CCAR2: variants seen among roughly 807,000 people sequenced by gnomAD.
CCAR2 encodes the protein cell cycle and apoptosis regulator protein 2.
CCAR2 carries 21 observed loss-of-function variants against 108.1 expected under a neutral mutation model. That is an observed-to-expected ratio of 0.19 (90% confidence interval 0.14 to 0.28). CCAR2 has a LOEUF of 0.28. Among genes scored for constraint, CCAR2 ranks in the 10% least tolerant of loss-of-function variants. CCAR2 has a pLI of 1.00. For missense variants in CCAR2, 1,126 were observed against 1,177.0 expected (o/e 0.96, Z 0.63); for synonymous variants, 577 against 472.8 (o/e 1.22, Z -2.86).
intron 7 of CCAR2, 47 bp downstream of exon 7, chr8:22,608,112 T>G: frequency 1.4e-6 from 2 of 1,384,324 alleles, no homozygotes; most frequent in Non-Finnish European, 1.0e-6. Flanking sequence ...GACACTAACA[T>G]TCTCTTTATT....
chr8:22,604,997 C>T (rs1801009493), intron 1 of CCAR2, 155 bp downstream of exon 1: 2 of 315,832 alleles, frequency 6.3e-6, no homozygotes, highest in South Asian at 2.3e-5. Context: ...CTGGCAACGG[C>T]CTCGGCCTTG....
Position 22,615,752 on chromosome 8 carries a change from A to C in CCAR2, c.1448A>C (p.Glu483Ala). The change falls in exon 13 of 21, where the codon GAA (glutamate) becomes GCA (alanine). Residue 483 changes from glutamate (E) to alanine (A), a missense_variant. Transcript: ENST00000308511. ...QAADTSRRNA[E>A]TPEATTQQET... ...GCAGACACTTCTAGACGGAACGCAG[A>C]AACTCCAGAGGCCACCACACAGCAG... 1 of 1,613,894 alleles carries C rather than the reference A, an allele frequency of 6.2e-7. No individual in the cohort carries two copies. Among genetic ancestry groups the C allele is most frequent in the South Asian group, 1.1e-5 (1 of 91,084 alleles).
At position 22,619,228 on chromosome 8, in the gene CCAR2, G is replaced by A. The variant is rs137969523; in HGVS notation, c.2600G>A (p.Arg867Gln). ...LAAEMQELRVRLAEAEETART... is the reference protein window; with the variant it reads ...LAAEMQELRVQLAEAEETART... The stretch of plus-strand genomic sequence containing the variant: ...GCAGAGATGCAGGAGCTGCGAGTCC[G>A]GCTGGCGGAGGCCGAGGAGACCGCC... The change falls in exon 20 of 21, where the codon CGG becomes CAG. Residue 867 changes from arginine to glutamine, a missense_variant. Physicochemically the swap from Arg to Gln is conservative, Grantham distance 43 (BLOSUM62 1). Around this residue, in one of 4 missense-constraint regions of CCAR2, gnomAD observed 1,013 missense variants for 993.9 expected, o/e 1.02. Transcript: ENST00000308511. The A allele has an allele frequency of 1.8e-5, 29 of 1,573,506 alleles. No homozygotes were observed. The highest frequency in any genetic ancestry group is 8.1e-5 in the African/African-American group (6 of 74,298).
Position 22,614,986 on chromosome 8 carries a change from G to A in CCAR2, c.1190G>A (p.Ser397Asn). 6.3e-7 allele frequency: 1 copy of A among 1,584,834 alleles called. No homozygotes were observed. Among genetic ancestry groups the A allele is most frequent in the South Asian group, 1.1e-5 (1 of 88,078 alleles). ...CAGGCCCAGACTGGCATTGATTTGAGCGGCTGTACCAAGTGGTGAGTGGGC... is the reference window on the plus strand; with the variant it reads ...CAGGCCCAGACTGGCATTGATTTGAACGGCTGTACCAAGTGGTGAGTGGGC... ...CAQAQTGIDL[S>N]GCTKWWRFAE... Residue 397 changes from serine (S) to asparagine (N), a missense_variant, in exon 11 of 21, where the codon AGC (serine) becomes AAC (asparagine). Ser to Asn is a conservative substitution (Grantham distance 46). This residue lies in a region of CCAR2 where 1,013 missense variants were observed against 993.9 expected (regional missense o/e 1.02). Coordinates refer to ENST00000308511, the MANE Select transcript of CCAR2 (RefSeq NM_001393997.1).
At chr8:22,618,532 G>A in intron 17 of CCAR2, 37 bp downstream of exon 17, 2 of 1,614,120 alleles carry the variant, frequency 1.2e-6, no homozygotes, top group Admixed American at 1.7e-5. Context: ...ATGGGCACAG[G>A]CCTGCACTTA....
At position 22,608,042 on chromosome 8, in the gene CCAR2, T is replaced by C. The variant is rs746335665; in HGVS notation, c.561T>C (p.His187=). The change falls in exon 7 of 21, where the codon CAT becomes CAC. Residue 187 remains histidine, a synonymous_variant. Transcript: ENST00000308511. Reference sequence around the variant, plus strand: ...ACAGATTTCCTGCCCGGGGCCCTCATGGACGGTTGGATCAGGGCCGAAGGT... The same window carrying C: ...ACAGATTTCCTGCCCGGGGCCCTCACGGACGGTTGGATCAGGGCCGAAGGT... ...HLNRFPARGP[H]GRLDQGRSDD... is the part of the protein sequence containing the mutation. 1.5e-5 allele frequency: 24 copies of C among 1,613,822 alleles called. No homozygotes were observed. The highest frequency in any genetic ancestry group is 2.2e-5 in the East Asian group (1 of 44,896).
chr8:22,606,841 T>C (rs1007528764), intron 4 of CCAR2, 69 bp from the exon 5 acceptor site: 4 of 1,538,686 alleles, frequency 2.6e-6, no homozygotes, highest in African/African-American at 2.7e-5. Flanking sequence ...AAAGGCCTCA[T>C]AGGGGCAGTC....
At chr8:22,618,183 TG>T in intron 16 of CCAR2, 165 bp from the exon 17 acceptor site, 1 of 849,992 alleles carries the variant, frequency 1.2e-6, no homozygotes, top group Non-Finnish European at 1.9e-6. Flanking sequence ...CTCGAACTCC[TG>T]GGTTCAAGTG....
intron 3 of CCAR2, 47 bp downstream of exon 3, chr8:22,606,223 T>C: frequency 1.5e-6 from 2 of 1,367,594 alleles, no homozygotes; most frequent in Non-Finnish European, 2.1e-6. Flanking sequence ...TGGGACTGAA[T>C]GCATGGAGGC....
chr8:22,612,163 T>G (rs1801311381), intron 7 of CCAR2, among the ~76,000 whole-genome samples: 1 of 152,232 alleles, frequency 6.6e-6, no homozygotes. Context: ...GCCAGGCTGG[T>G]CTTGAACTCC....
rs1275937207 is a variant in CCAR2 at position 22,619,766 on chromosome 8, A to G, written c.*84A>G. On this transcript the variant is annotated 3_prime_UTR_variant, in exon 21 of 21. Transcript: ENST00000308511. ...GCCCTTGCGGTACCAGAAAGCAGCG[A>G]GAGCGAGACCTGGGAGCCAGGGCAG... 2.7e-6 allele frequency: 4 copies of G among 1,455,710 alleles called. No homozygotes were observed. Among genetic ancestry groups the G allele is most frequent in the African/African-American group, 2.8e-5 (2 of 71,330 alleles). The allele number at this position is 1,455,710 out of a possible 1,614,324, so 90.2% of individuals were successfully genotyped here.
rs1215953367 is a variant in CCAR2 at position 22,615,725 on chromosome 8, C to G, written c.1421C>G (p.Ala474Gly). The G allele has an allele frequency of 1.9e-6, 3 of 1,613,666 alleles. No individual in the cohort carries two copies. Among genetic ancestry groups the G allele is most frequent in the Non-Finnish European group, 2.5e-6 (3 of 1,180,024 alleles). ...TEQAPDALEQ[A>G]ADTSRRNAET... The stretch of plus-strand genomic sequence containing the variant: ...CAGGCACCTGATGCCTTGGAGCAAG[C>G]AGCAGACACTTCTAGACGGAACGCA... The change falls in exon 13 of 21, where the codon GCA (alanine) becomes GGA (glycine). Residue 474 changes from alanine (A) to glycine (G), a missense_variant. By Grantham distance (60) the Ala-to-Gly change is moderately conservative. Around this residue, in one of 4 missense-constraint regions of CCAR2, gnomAD observed 1,013 missense variants for 993.9 expected, o/e 1.02. Transcript: ENST00000308511.
Position 22,606,180 on chromosome 8 carries a change from G to C in CCAR2, c.150+4G>C. 2 of 1,611,612 alleles carry C rather than the reference G, an allele frequency of 1.2e-6. No individual in the cohort carries two copies. Among genetic ancestry groups the C allele is most frequent in the Non-Finnish European group, 1.7e-6 (2 of 1,177,716 alleles). The stretch of plus-strand genomic sequence containing the variant: ...CCAGAATGCCAGGCACCTTCAGGTA[G>C]GTTCGGCATCCCTTGTAGTAAGTTT... On this transcript the variant is annotated splice_donor_region_variant and intron_variant, in intron 3 of 20. Coordinates refer to ENST00000308511, the MANE Select transcript of CCAR2 (RefSeq NM_001393997.1).
In CCAR2 at chr8:22,615,554, G is replaced by C. The variant is rs906494916; in HGVS notation, c.1335G>C (p.Gln445His). 1.2e-6 allele frequency: 2 copies of C among 1,613,872 alleles called. No homozygotes were observed. Among genetic ancestry groups the C allele is most frequent in the Non-Finnish European group, 1.7e-6 (2 of 1,180,036 alleles). The part of the protein sequence containing the change: ...TLEEWEALCQ[Q>H]KAAEAAPPTQ... Reference sequence around the variant, plus strand: ...AGGAGTGGGAGGCCCTGTGCCAGCAGAAAGCTGCAGAGGCAGCTCCCCCAA... The same window carrying C: ...AGGAGTGGGAGGCCCTGTGCCAGCACAAAGCTGCAGAGGCAGCTCCCCCAA... Residue 445 changes from glutamine to histidine, a missense_variant, in exon 12 of 21, where the codon CAG (glutamine) becomes CAC (histidine). Physicochemically the swap from Gln to His is conservative, Grantham distance 24. Around this residue, in one of 4 missense-constraint regions of CCAR2, gnomAD observed 1,013 missense variants for 993.9 expected, o/e 1.02. Coordinates refer to ENST00000308511, the MANE Select transcript of CCAR2 (RefSeq NM_001393997.1).
intron 2 of CCAR2, 83 bp from the exon 3 acceptor site, chr8:22,606,002 C>A (rs1801064099): frequency 7.3e-7 from 1 of 1,375,918 alleles, no homozygotes; most frequent in Non-Finnish European, 1.0e-6. Flanking sequence ...GAGCTGTAGC[C>A]TTTGGATTTA....
rs1361252453 is a variant in CCAR2 at position 22,616,029 on chromosome 8, G to A, written c.1626G>A (p.Glu542=). 1 of 1,614,076 alleles carries A rather than the reference G, an allele frequency of 6.2e-7. No homozygotes were observed. The highest frequency in any genetic ancestry group is 1.1e-5 in the South Asian group (1 of 91,078). Residue 542 remains glutamate (E), a synonymous_variant, in exon 14 of 21, where the codon GAG becomes GAA. Transcript: ENST00000308511. The part of the protein sequence containing the change: ...RISFEVMVLA[E]LFLEMLQRDF... ...CCCATCAGGTGATGGTGCTGGCCGAGCTGTTTCTGGAGATGCTCCAGAGGG... is the reference window on the plus strand; with the variant it reads ...CCCATCAGGTGATGGTGCTGGCCGAACTGTTTCTGGAGATGCTCCAGAGGG...
intron 7 of CCAR2, 25 bp downstream of exon 7, chr8:22,608,090 T>G (rs200568583): frequency 3.5e-5 from 55 of 1,564,828 alleles, no homozygotes; most frequent in Non-Finnish European, 4.2e-5. Flanking sequence ...TCCCTTTTTT[T>G]GGCCACTTGT....
At chr8:22,618,553 A>G (rs1801615625) in intron 17 of CCAR2, 58 bp downstream of exon 17, 1 of 1,614,034 alleles carries the variant, frequency 6.2e-7, no homozygotes, top group Non-Finnish European at 8.5e-7. Context: ...CTCCTGCTCT[A>G]GGTTCCCGCC....
At position 22,619,397 on chromosome 8, in the gene CCAR2, C is replaced by G. The variant is rs201436848; in HGVS notation, c.2727+42C>G. ...CCAGGAGGCAGCACAGCTCCTTTCC[C>G]TGAGCTCCAAAAGTCCCCAGAAGGG... is the stretch of plus-strand genomic sequence containing the variant. On this transcript the variant is annotated intron_variant, in intron 20 of 20. Coordinates refer to ENST00000308511, the MANE Select transcript of CCAR2 (RefSeq NM_001393997.1). The G allele has an allele frequency of 6.7e-5, 104 of 1,541,390 alleles. No homozygotes were observed. The African/African-American group carries it at 1.3e-3, about 20-fold the overall frequency.
Sources: allele counts gnomAD v4.1 joint callset (sites outside exome capture counted in the v4.1 genomes callset), GRCh38; gene constraint gnomAD v4.1.1; regional missense constraint gnomAD v4.1.1; transcripts MANE v1.5; gene names NCBI Gene and HGNC (gene_info 2026-07-23, HGNC 2026-07-21).